PALD1: variants seen among roughly 807,000 people sequenced by gnomAD.
The protein encoded by PALD1 is paladin.
PALD1 carries 57 observed loss-of-function variants against 96.0 expected under a neutral mutation model. That is an observed-to-expected ratio of 0.59 (90% CI 0.48 to 0.74). The LOEUF (loss-of-function observed/expected upper bound fraction) is 0.74. Among genes scored for constraint, PALD1 ranks in the 30% least tolerant of loss-of-function variants. The pLI is 0.00. For missense variants in PALD1, 1,063 were observed against 1,143.7 expected (o/e 0.93, Z 1.02); for synonymous variants, 464 against 473.6 (o/e 0.98, Z 0.26).
the PALD1 span, among the ~76,000 whole-genome samples, chr10:70,464,939 TTGTATGTATGTATGTA>T: frequency 7.7e-3 from 1,101 of 142,234 alleles, 24 homozygotes; most frequent in African/African-American, 0.028. Context: ...CTATGTACAC[TTGTATGTATGTATGTA>T]TGTATGTATG....
intron 5 of PALD1, 94 bp downstream of exon 5, chr10:70,531,548 G>A (rs7079876): frequency 0.92 from 1,123,725 of 1,225,698 alleles, 516,817 homozygotes; most frequent in East Asian, 1. Flanking sequence ...TTACTGGCCC[G>A]TGTTCCCCCA....
the PALD1 span, among the ~76,000 whole-genome samples, chr10:70,461,410 C>T: frequency 6.6e-6 from 1 of 152,256 alleles, no homozygotes; most frequent in Non-Finnish European, 1.5e-5. Flanking sequence ...CCACCCCCAC[C>T]AGATGGCAAG....
At chr10:70,477,813 G>A (rs996034837), upstream of PALD1, among the ~76,000 whole-genome samples, 2 of 152,224 alleles carry the variant, frequency 1.3e-5, no homozygotes, top group African/African-American at 4.8e-5. Context: ...TGGGGGTGAG[G>A]CAGGTGGTAA....
intron 1 of PALD1, among the ~76,000 whole-genome samples, chr10:70,510,044 C>T (rs1490518090): frequency 2.0e-5 from 3 of 152,042 alleles, no homozygotes; most frequent in Non-Finnish European, 4.4e-5. Flanking sequence ...TTCAACACTA[C>T]GGGGCAGCTG....
chr10:70,515,936 A>G (rs1846611465), intron 1 of PALD1, among the ~76,000 whole-genome samples: 2 of 152,092 alleles, frequency 1.3e-5, no homozygotes, highest in Non-Finnish European at 2.9e-5. Flanking sequence ...TTTTTGTTCA[A>G]TGGGAATGAA....
intron 1 of PALD1, among the ~76,000 whole-genome samples, chr10:70,490,085 G>A (rs1042245912): frequency 6.6e-6 from 1 of 152,110 alleles, no homozygotes; most frequent in Non-Finnish European, 1.5e-5. Context: ...ACCATGCCCA[G>A]CTAATTTTTG....
At chr10:70,545,800 G>T (rs1347807891) in intron 17 of PALD1, among the ~76,000 whole-genome samples, 1 of 151,992 alleles carries the variant, frequency 6.6e-6, no homozygotes, top group African/African-American at 2.4e-5. Context: ...GTGGCTGGGG[G>T]CTGCTGCAGG....
At chr10:70,566,527 T>A in intron 19 of PALD1, 54 bp from the exon 20 acceptor site, 1 of 1,432,720 alleles carries the variant, frequency 7.0e-7, no homozygotes, top group Non-Finnish European at 9.6e-7. Flanking sequence ...TCAGTGGCCT[T>A]AGTGGCACCC....
chr10:70,513,164 AT>A (rs1263497120), intron 1 of PALD1, among the ~76,000 whole-genome samples: 1 of 152,050 alleles, frequency 6.6e-6, no homozygotes, highest in Non-Finnish European at 1.5e-5. Flanking sequence ...TTTAACCCCC[AT>A]TTTTTTATTT....
At chr10:70,483,174 C>T (rs1845963284) in intron 1 of PALD1, among the ~76,000 whole-genome samples, 1 of 152,072 alleles carries the variant, frequency 6.6e-6, no homozygotes, top group African/African-American at 2.4e-5. Context: ...TGTGATACTT[C>T]ACGTGGGCTT....
chr10:70,532,898 C>T (rs1847025065), intron 6 of PALD1, 97 bp from the exon 7 acceptor site: 9 of 1,499,048 alleles, frequency 6.0e-6, no homozygotes, highest in Non-Finnish European at 7.4e-6. Context: ...ATGTCTCCCA[C>T]AGTGGGGCCC....
intron 1 of PALD1, among the ~76,000 whole-genome samples, chr10:70,509,751 T>C (rs1246764267): frequency 6.6e-6 from 1 of 152,186 alleles, no homozygotes; most frequent in East Asian, 1.9e-4. Flanking sequence ...TGAGCAGCTC[T>C]GTGGGGCAGC....
chr10:70,561,267 C>T (rs962763229), intron 18 of PALD1, among the ~76,000 whole-genome samples: 5 of 152,266 alleles, frequency 3.3e-5, no homozygotes, highest in African/African-American at 7.2e-5. Context: ...GAGCTGAGGG[C>T]GTTTCACGCC....
the PALD1 span, among the ~76,000 whole-genome samples, chr10:70,464,820 G>C: frequency 3.3e-5 from 5 of 151,268 alleles, no homozygotes; most frequent in African/African-American, 1.2e-4. Flanking sequence ...TAGAGATGGG[G>C]TTTCACCATG....
At chr10:70,506,109 T>C (rs1241744593) in intron 1 of PALD1, among the ~76,000 whole-genome samples, 1 of 152,226 alleles carries the variant, frequency 6.6e-6, no homozygotes, top group Admixed American at 6.5e-5. Context: ...TTACATGCAC[T>C]TCCCGTTTTA....
chr10:70,511,696 G>GTGAAACAGA (rs1453180968), intron 1 of PALD1, among the ~76,000 whole-genome samples: 1 of 152,212 alleles, frequency 6.6e-6, no homozygotes, highest in Admixed American at 6.5e-5. Context: ...AGGTGAGCAT[G>GTGAAACAGA]TGAAACAGAT....
intron 1 of PALD1, among the ~76,000 whole-genome samples, chr10:70,493,942 T>A (rs974820137): frequency 6.6e-6 from 1 of 152,204 alleles, no homozygotes; most frequent in Non-Finnish European, 1.5e-5. Context: ...CACTTCTCTG[T>A]CCTAAGCTCC....
chr10:70,517,001 C>G (rs916750569), intron 1 of PALD1, among the ~76,000 whole-genome samples: 2 of 152,152 alleles, frequency 1.3e-5, no homozygotes, highest in Admixed American at 6.6e-5. Flanking sequence ...GGCACACAGC[C>G]CAGCTTCAGA....
intron 12 of PALD1, 82 bp from the exon 13 acceptor site, chr10:70,538,810 C>T (rs528533617): frequency 3.1e-5 from 36 of 1,165,680 alleles, no homozygotes; most frequent in African/African-American, 1.2e-4. Context: ...CCCCACCCCC[C>T]GTCTGCCTTG....
Sources: gnomAD v4.1 joint callset for allele counts (sites outside exome capture counted in the v4.1 genomes callset) on GRCh38, gnomAD v4.1.1 for gene constraint, MANE v1.5 for transcripts, NCBI Gene and HGNC (gene_info 2026-07-23, HGNC 2026-07-21) for gene names.